GTF2F2: variants seen among roughly 807,000 people sequenced by gnomAD.
The protein encoded by GTF2F2 is general transcription factor IIF subunit 2, also known as ATP-dependent helicase GTF2F2.
GTF2F2 carries 23 observed loss-of-function variants against 42.2 expected under a neutral mutation model. The ratio of observed to expected loss-of-function variants is 0.55; its 90% CI spans 0.39 to 0.77. The LOEUF (loss-of-function observed/expected upper bound fraction) is 0.77, where lower values mean the gene tolerates loss of function less well. Among genes scored for constraint, GTF2F2 ranks in the 30% least tolerant of loss-of-function variants. GTF2F2 has a pLI of 0.00. For missense variants in GTF2F2, 261 were observed against 287.2 expected (o/e 0.91, Z 0.66); for synonymous variants, 105 against 100.8 (o/e 1.04, Z -0.25).
intron 5 of GTF2F2, chr13:45,220,822 T>A (rs1385657941): frequency 6.6e-6 from 1 of 152,158 alleles, no homozygotes; most frequent in African/African-American, 2.4e-5. Flanking sequence ...CTGTCTTTGG[T>A]ACAATTCTTC....
intron 5 of GTF2F2, 55 bp downstream of exon 5, chr13:45,207,560 A>G (rs575876692): frequency 1.9e-6 from 2 of 1,053,888 alleles, no homozygotes; most frequent in Middle Eastern, 2.0e-4. Flanking sequence ...GGGGATTGAG[A>G]TACGTGTGTT....
chr13:45,251,797 A>C (rs567355304), intron 5 of GTF2F2, among the ~76,000 whole-genome samples: 1 of 152,262 alleles, frequency 6.6e-6, no homozygotes, highest in East Asian at 1.9e-4. Context: ...CTTACTCTTC[A>C]ATTGTAATCT....
At chr13:45,123,873 T>A in intron 1 of GTF2F2, 3 of 265,608 alleles carry the variant, frequency 1.1e-5, no homozygotes, top group African/African-American at 2.3e-5. Context: ...GGCCCCTCCC[T>A]CTTCAGGGGG....
intron 4 of GTF2F2, among the ~76,000 whole-genome samples, chr13:45,154,754 T>A (rs1038330104): frequency 6.6e-6 from 1 of 152,226 alleles, no homozygotes; most frequent in Non-Finnish European, 1.5e-5. Flanking sequence ...AAATATTAGC[T>A]GTTGTTGTTA....
intron 4 of GTF2F2, among the ~76,000 whole-genome samples, chr13:45,162,921 A>G (rs891633865): frequency 2.2e-5 from 2 of 92,738 alleles, no homozygotes; most frequent in African/African-American, 8.3e-5. Context: ...ATTTCTCCCC[A>G]CCCCCCACCC....
intron 1 of GTF2F2, among the ~76,000 whole-genome samples, chr13:45,134,905 A>G (rs374718189): frequency 6.6e-6 from 1 of 151,604 alleles, no homozygotes; most frequent in Non-Finnish European, 1.5e-5. Context: ...GAAACAGGAT[A>G]GTGGATGTTT....
chr13:45,280,579 ATTG>A, intron 7 of GTF2F2, among the ~76,000 whole-genome samples: 1 of 152,200 alleles, frequency 6.6e-6, no homozygotes, highest in East Asian at 1.9e-4. Context: ...TGCTTGAGAA[ATTG>A]ACTGACTATG....
intron 7 of GTF2F2, among the ~76,000 whole-genome samples, chr13:45,275,010 G>T (rs74395069): frequency 0.054 from 8,167 of 151,934 alleles, 288 homozygotes; most frequent in Admixed American, 0.09. Context: ...GCCCTAAAAA[G>T]AAACTTCATA....
At chr13:45,195,372 C>T (rs1872838208) in intron 4 of GTF2F2, among the ~76,000 whole-genome samples, 1 of 151,778 alleles carries the variant, frequency 6.6e-6, no homozygotes, top group Non-Finnish European at 1.5e-5. Flanking sequence ...GAACTTGTTT[C>T]ACTCGGAGCC....
intron 4 of GTF2F2, chr13:45,193,718 G>T: frequency 7.1e-7 from 1 of 1,412,070 alleles, no homozygotes; most frequent in Non-Finnish European, 9.6e-7. Flanking sequence ...TATTTGGGAT[G>T]TCTTTGATGC....
At chr13:45,151,060 A>G (rs1304560948) in intron 3 of GTF2F2, among the ~76,000 whole-genome samples, 1 of 151,974 alleles carries the variant, frequency 6.6e-6, no homozygotes, top group African/African-American at 2.4e-5. Flanking sequence ...TTGGGCTGAT[A>G]TTTATTCTGT....
At chr13:45,228,938 G>C (rs1874525169) in intron 5 of GTF2F2, among the ~76,000 whole-genome samples, 1 of 152,108 alleles carries the variant, frequency 6.6e-6, no homozygotes, top group South Asian at 2.1e-4. Flanking sequence ...CTGAAGTGTT[G>C]GGATTACAGG....
intron 4 of GTF2F2, among the ~76,000 whole-genome samples, chr13:45,195,525 T>C (rs1236412188): frequency 6.8e-6 from 1 of 147,298 alleles, no homozygotes; most frequent in African/African-American, 2.7e-5. Context: ...GGTAAGTTAG[T>C]TTCTTGTTTG....
Position 45,231,876 on chromosome 13 carries a change from A to G in GTF2F2, c.387-20995A>G, listed in dbSNP as rs1411022195. The stretch of plus-strand genomic sequence containing the variant: ...TCATGGAGTCACTAATGAAGTAGCC[A>G]TTTGCTATATTTACTTAGTCACCAT... On this transcript the variant is annotated intron_variant, in intron 5 of 7. Transcript: ENST00000340473. 3.3e-5 allele frequency among the ~76,000 whole-genome samples: 5 copies of G among 151,902 alleles called. No homozygotes were observed. In the South Asian group the frequency reaches 6.3e-4, roughly 19 times the overall value.
chr13:45,282,330 A>G (rs113277501), intron 7 of GTF2F2, among the ~76,000 whole-genome samples: 1 of 152,164 alleles, frequency 6.6e-6, no homozygotes, highest in Admixed American at 6.6e-5. Context: ...GCAAAGGTCT[A>G]GTTTCATATT....
intron 6 of GTF2F2, among the ~76,000 whole-genome samples, chr13:45,263,197 A>G (rs1367710720): frequency 3.3e-5 from 5 of 151,740 alleles, no homozygotes; most frequent in African/African-American, 9.7e-5. Context: ...TGTTCTTGCT[A>G]TCGTTATTTT....
chr13:45,152,352 G>C (rs1172887645), intron 4 of GTF2F2, among the ~76,000 whole-genome samples: 1 of 152,124 alleles, frequency 6.6e-6, no homozygotes, highest in Non-Finnish European at 1.5e-5. Context: ...ACTTGAGAAG[G>C]GTTTAATTTC....
In GTF2F2 at chr13:45,131,268, C is replaced by T. The variant is rs372139618; in HGVS notation, c.67-5465C>T. Among the ~76,000 whole-genome samples the T allele has an allele frequency of 5.9e-5, 9 of 151,504 alleles. No homozygotes were observed. In the South Asian group the frequency reaches 1.0e-3, roughly 18 times the overall value. On this transcript the variant is annotated intron_variant, in intron 1 of 7. Transcript: ENST00000340473. ...GGGATCCAAGGACTGAATCCAGTGC[C>T]CACTGAAGTTAAGGGGCCAGAAAGA...
At chr13:45,158,123 C>T (rs1449105843) in intron 4 of GTF2F2, among the ~76,000 whole-genome samples, 1 of 152,192 alleles carries the variant, frequency 6.6e-6, no homozygotes, top group Admixed American at 6.5e-5. Context: ...CTGTCCCCAC[C>T]CAAATCTCAT....
Sources: allele counts gnomAD v4.1 joint callset (sites outside exome capture counted in the v4.1 genomes callset), GRCh38; gene constraint gnomAD v4.1.1; transcripts MANE v1.5; gene names NCBI Gene and HGNC (gene_info 2026-07-23, HGNC 2026-07-21).